The following GLP1R variants were observed in gnomAD, a reference collection of about 807,000 sequenced individuals.
The protein encoded by GLP1R is glucagon-like peptide 1 receptor.
A neutral mutation model predicts 68.4 loss-of-function variants in GLP1R; 32 were observed. The ratio of observed to expected loss-of-function variants is 0.47; its 90% confidence interval spans 0.35 to 0.63. GLP1R has a LOEUF of 0.63. Among genes scored for constraint, GLP1R ranks in the 20% least tolerant of loss-of-function variants. GLP1R has a pLI of 0.00. For missense variants in GLP1R, 502 were observed against 594.9 expected, an observed-to-expected ratio of 0.84 and a Z score of 1.62; for synonymous variants, 263 against 244.4, an observed-to-expected ratio of 1.08 and a Z score of -0.71.
chr6:39,085,318 C>G (rs1397889032), intron 12 of GLP1R, among the ~76,000 whole-genome samples: 1 of 152,240 alleles, frequency 6.6e-6, no homozygotes, highest in Non-Finnish European at 1.5e-5. Flanking sequence ...CAGTGTCTCT[C>G]TAGATGGCAT....
Position 39,090,455 on chromosome 6 carries a change from C to T in GLP1R, c.*4382C>T, listed in dbSNP as rs920028189. Among the ~76,000 whole-genome samples, 2 of 152,156 alleles carry T rather than the reference C, an allele frequency of 1.3e-5. No individual in the cohort carries two copies. Among genetic ancestry groups the T allele is most frequent in the Non-Finnish European group, 2.9e-5 (2 of 68,028 alleles). ...GCATCCAACTTCCCTCCCTGCACTCCTCCTCCCCGACAGCTGCCTCAGGAA... is the reference window on the plus strand; with the variant it reads ...GCATCCAACTTCCCTCCCTGCACTCTTCCTCCCCGACAGCTGCCTCAGGAA... On this transcript the variant is annotated 3_prime_UTR_variant, in exon 13 of 13. Transcript: ENST00000373256.
chr6:39,068,006 G>A (rs7766663), intron 5 of GLP1R, among the ~76,000 whole-genome samples: 3 of 151,958 alleles, frequency 2.0e-5, no homozygotes, highest in South Asian at 2.1e-4. Flanking sequence ...ATTGAGAGGC[G>A]AAAGTGGGAA....
chr6:39,063,764 A>G (rs1426157937), intron 3 of GLP1R, among the ~76,000 whole-genome samples: 3 of 152,074 alleles, frequency 2.0e-5, no homozygotes, highest in African/African-American at 7.2e-5. Flanking sequence ...AGAGGCTGTC[A>G]CCAGACTCTG....
At chr6:39,071,183 A>G (rs1434956998) in intron 5 of GLP1R, among the ~76,000 whole-genome samples, 1 of 151,944 alleles carries the variant, frequency 6.6e-6, no homozygotes, top group African/African-American at 2.4e-5. Flanking sequence ...CATCTCTACT[A>G]AAAATACAAA....
chr6:39,064,025 A>G (rs1379598159), intron 3 of GLP1R, among the ~76,000 whole-genome samples: 5 of 133,950 alleles, frequency 3.7e-5, no homozygotes, highest in African/African-American at 1.2e-4. Flanking sequence ...TTTTTGAGGC[A>G]GAGTCTCACT....
In GLP1R at chr6:39,086,139, A is replaced by T; in HGVS notation, c.*66A>T. The T allele has an allele frequency of 3.9e-6, 5 of 1,282,890 alleles. No homozygotes were observed. Among genetic ancestry groups the T allele is most frequent in the Non-Finnish European group, 5.6e-6 (5 of 892,352 alleles). The allele number at this position is 1,282,890 out of a possible 1,614,324, so 79.5% of individuals were successfully genotyped here. On this transcript the variant is annotated 3_prime_UTR_variant, in exon 13 of 13. Transcript: ENST00000373256. This position sits in a 1 kb window ranked among gnomAD's most constrained non-coding sequence, Gnocchi z 4.5. ...CGGGTGGCCAATCCAGGTGGGAGAGACACTCCCAGGGACAAGGGAAGGAAG... is the reference window on the plus strand; with the variant it reads ...CGGGTGGCCAATCCAGGTGGGAGAGTCACTCCCAGGGACAAGGGAAGGAAG...
rs1248738731 is a variant in GLP1R, at chr6:39,079,216, T to G, written c.1043+16T>G. ...TCAAATGCAGGTGATGTAACTGAGC[T>G]GGCTTTACTGAGGACCCTCAGCAAG... On this transcript the variant is annotated intron_variant, in intron 10 of 12. Transcript: ENST00000373256. The surrounding 1 kb of genome is among the most constrained non-coding windows in gnomAD (Gnocchi z 4.5). 1 of 1,573,562 alleles carries G rather than the reference T, an allele frequency of 6.4e-7. No individual in the cohort carries two copies. The highest frequency in any genetic ancestry group is 1.7e-5 in the Admixed American group (1 of 59,990).
At position 39,066,267 on chromosome 6, in the gene GLP1R, C is replaced by A; in HGVS notation, c.473C>A (p.Ala158Asp). 6.2e-7 allele frequency: 1 copy of A among 1,612,554 alleles called. No individual in the cohort carries two copies. The highest frequency in any genetic ancestry group is 8.5e-7 in the Non-Finnish European group (1 of 1,178,558). Residue 158 changes from alanine to aspartate, a missense_variant, in exon 5 of 13, where the codon GCT becomes GAT. Ala to Asp is a moderately radical substitution (Grantham distance 126). Coordinates refer to ENST00000373256, the MANE Select transcript of GLP1R (RefSeq NM_002062.5). ...YTVGYALSFS[A>D]LVIASAILLG... ...GTGGGCTACGCACTCTCCTTCTCTGCTCTGGTTATCGCCTCTGCGATCCTC... is the reference window on the plus strand; with the variant it reads ...GTGGGCTACGCACTCTCCTTCTCTGATCTGGTTATCGCCTCTGCGATCCTC...
At chr6:39,066,171 A>T in intron 4 of GLP1R, 26 bp from the exon 5 acceptor site, 1 of 1,278,532 alleles carries the variant, frequency 7.8e-7, no homozygotes, top group Non-Finnish European at 1.1e-6. Context: ...CTGCCCATGT[A>T]CACGTATGTC....
At position 39,086,110 on chromosome 6, in the gene GLP1R, A is replaced by G. The variant is rs1185831839; in HGVS notation, c.*37A>G. 1 of 1,593,934 alleles carries G rather than the reference A, an allele frequency of 6.3e-7. No individual in the cohort carries two copies. Among genetic ancestry groups the G allele is most frequent in the Non-Finnish European group, 8.6e-7 (1 of 1,167,274 alleles). The stretch of plus-strand genomic sequence containing the variant: ...CTGCCCTCCCTGGGGTCCTTGCTGC[A>G]GGCCGGGTGGCCAATCCAGGTGGGA... On this transcript the variant is annotated 3_prime_UTR_variant, in exon 13 of 13. Coordinates refer to ENST00000373256, the MANE Select transcript of GLP1R (RefSeq NM_002062.5). This position sits in a 1 kb window ranked among gnomAD's most constrained non-coding sequence, Gnocchi z 4.5.
Position 39,089,731 on chromosome 6 carries a change from C to T in GLP1R, c.*3658C>T, listed in dbSNP as rs989392880. Among the ~76,000 whole-genome samples, 22 of 152,142 alleles carry T rather than the reference C, an allele frequency of 1.4e-4. No individual in the cohort carries two copies. The highest frequency in any genetic ancestry group is 1.7e-4 in the African/African-American group (7 of 41,422). On this transcript the variant is annotated 3_prime_UTR_variant, in exon 13 of 13. Coordinates refer to ENST00000373256, the MANE Select transcript of GLP1R (RefSeq NM_002062.5). This position sits in a 1 kb window ranked among gnomAD's most constrained non-coding sequence, Gnocchi z 4.1. ...ACACCCGCTGTGCAGGTCATAGGACCGCACACCCGAGGCTGGGAGTCTAAG... is the reference window on the plus strand; with the variant it reads ...ACACCCGCTGTGCAGGTCATAGGACTGCACACCCGAGGCTGGGAGTCTAAG...
chr6:39,083,302 G>A (rs534923998), intron 12 of GLP1R, among the ~76,000 whole-genome samples: 265 of 152,306 alleles, frequency 1.7e-3, no homozygotes, highest in Non-Finnish European at 2.2e-3. Flanking sequence ...CCAGGCACAA[G>A]GACAGATACA....
chr6:39,068,544 G>T (rs1428935036), intron 5 of GLP1R, among the ~76,000 whole-genome samples: 1 of 152,190 alleles, frequency 6.6e-6, no homozygotes. Flanking sequence ...TTGAAATCTA[G>T]GTCTTCCTGG....
chr6:39,069,085 C>G (rs1194419318), intron 5 of GLP1R, among the ~76,000 whole-genome samples: 1 of 152,072 alleles, frequency 6.6e-6, no homozygotes, highest in Non-Finnish European at 1.5e-5. Context: ...CATGCTGTAC[C>G]CTCAATACTT....
rs892558334 is a variant in GLP1R, at chr6:39,090,948, G to A, written c.*4875G>A. 1.3e-5 allele frequency among the ~76,000 whole-genome samples: 2 copies of A among 152,274 alleles called. No individual in the cohort carries two copies. The highest frequency in any genetic ancestry group is 1.3e-4 in the Admixed American group (2 of 15,300). On this transcript the variant is annotated 3_prime_UTR_variant, in exon 13 of 13. Transcript: ENST00000373256. ...TTTACCTCCAAACCTGCAGTTCTAAGCTACTCCACTAAAATAATCATCCCA... is the reference window on the plus strand; with the variant it reads ...TTTACCTCCAAACCTGCAGTTCTAAACTACTCCACTAAAATAATCATCCCA...
chr6:39,055,381 T>C (rs940905460), intron 1 of GLP1R, among the ~76,000 whole-genome samples: 27 of 152,366 alleles, frequency 1.8e-4, no homozygotes, highest in African/African-American at 6.3e-4. Flanking sequence ...CGAATATTTA[T>C]AATTTTTAAG....
intron 5 of GLP1R, among the ~76,000 whole-genome samples, chr6:39,068,864 G>C (rs2150829608): frequency 6.6e-6 from 1 of 152,270 alleles, no homozygotes; most frequent in South Asian, 2.1e-4. Context: ...GTGCATTCAG[G>C]GTCATTCTTC....
At chr6:39,065,632 G>C in intron 3 of GLP1R, 79 bp from the exon 4 acceptor site, 1 of 808,134 alleles carries the variant, frequency 1.2e-6, no homozygotes, top group Non-Finnish European at 2.0e-6. Flanking sequence ...CCTCAGAATG[G>C]GGAGGAAGGG....
Position 39,079,636 on chromosome 6 carries a change from C to G in GLP1R, c.1116C>G (p.Asp372Glu). The G allele has an allele frequency of 6.2e-7, 1 of 1,611,516 alleles. No individual in the cohort carries two copies. Among genetic ancestry groups the G allele is most frequent in the South Asian group, 1.1e-5 (1 of 90,604 alleles). ...THEVIFAFVM[D>E]EHARGTLRFI... Reference sequence around the variant, plus strand: ...AGGTCATCTTTGCCTTTGTGATGGACGAGCACGCCCGGGGGACCCTGCGCT... The same window carrying G: ...AGGTCATCTTTGCCTTTGTGATGGAGGAGCACGCCCGGGGGACCCTGCGCT... The change falls in exon 11 of 13, where the codon GAC becomes GAG. Residue 372 changes from aspartate to glutamate, a missense_variant. By Grantham distance (45) the Asp-to-Glu change is conservative (BLOSUM62 2). Coordinates refer to ENST00000373256, the MANE Select transcript of GLP1R (RefSeq NM_002062.5). The surrounding 1 kb of genome is among the most constrained non-coding windows in gnomAD (Gnocchi z 4.5).
Sources: gnomAD v4.1 joint callset for allele counts (sites outside exome capture counted in the v4.1 genomes callset) on GRCh38, gnomAD v4.1.1 for gene constraint, Gnocchi (gnomAD v3.1) non-coding constraint, MANE v1.5 for transcripts, NCBI Gene and HGNC (gene_info 2026-07-23, HGNC 2026-07-21) for gene names.